The following KLHL1 variants were observed in gnomAD, a reference collection of about 807,000 sequenced individuals.
KLHL1 encodes the protein kelch-like protein 1.
KLHL1 carries 47 observed loss-of-function variants against 77.7 expected under a neutral mutation model. That is an observed-to-expected ratio of 0.60 (90% CI 0.48 to 0.77). The LOEUF (loss-of-function observed/expected upper bound fraction) is 0.77, where lower values mean the gene tolerates loss of function less well. Ranked by LOEUF, KLHL1 falls within the 30% of genes least tolerant of loss-of-function variation. KLHL1 has a pLI of 0.00. For synonymous variants in KLHL1, 360 were observed against 325.2 expected, an observed-to-expected ratio of 1.11 and a Z score of -1.15; for missense variants, 925 against 910.8, an observed-to-expected ratio of 1.02 and a Z score of -0.20.
chr13:69,943,646 C>T (rs1477015210), intron 3 of KLHL1, among the ~76,000 whole-genome samples: 3 of 151,758 alleles, frequency 2.0e-5, no homozygotes, highest in Non-Finnish European at 2.9e-5. Flanking sequence ...ATTTTTGTTT[C>T]TTTTTGAAAT....
At chr13:69,886,696 C>T (rs900775238) in intron 4 of KLHL1, among the ~76,000 whole-genome samples, 2 of 152,030 alleles carry the variant, frequency 1.3e-5, no homozygotes, top group Non-Finnish European at 2.9e-5. Flanking sequence ...ATTTTGTTTA[C>T]TTCATGAGCA....
At chr13:69,805,698 A>AC (rs1877588344) in intron 6 of KLHL1, among the ~76,000 whole-genome samples, 1 of 151,402 alleles carries the variant, frequency 6.6e-6, no homozygotes, top group South Asian at 2.1e-4. Context: ...AAACAAAAAA[A>AC]AAAACAAAAC....
Position 70,107,146 on chromosome 13 carries a change from C to T in KLHL1, c.497+57G>A, listed in dbSNP as rs531597489. 9.5e-5 allele frequency: 146 copies of T among 1,531,188 alleles called. 2 individuals are homozygous for T. In the South Asian group the frequency reaches 1.5e-3, roughly 16 times the overall value. The allele number at this position is 1,531,188 out of a possible 1,614,324, so 94.9% of individuals were successfully genotyped here. A position where few individuals can be genotyped will look rare whatever the true frequency, so the allele number is the denominator to read the frequency against. On this transcript the variant is annotated intron_variant, in intron 1 of 10. Transcript: ENST00000377844. ...GACTTAGTAGCCACATGAGCACACG[C>T]GGTGAAATGAGTGGAAATTGAGAGA...
intron 1 of KLHL1, among the ~76,000 whole-genome samples, chr13:70,053,808 G>A (rs550278689): frequency 3.9e-5 from 6 of 152,086 alleles, no homozygotes; most frequent in Admixed American, 6.5e-5. Context: ...TAGTTTTGGC[G>A]GGCACAAGAA....
chr13:70,107,776 G>C lies in KLHL1; in HGVS notation c.-77C>G. 1 of 1,161,320 alleles carries C rather than the reference G, an allele frequency of 8.6e-7. No individual in the cohort carries two copies. The highest frequency in any genetic ancestry group is 1.2e-6 in the Non-Finnish European group (1 of 848,842). The allele number at this position is 1,161,320 out of a possible 1,614,324, so 71.9% of individuals were successfully genotyped here. A position where few individuals can be genotyped will look rare whatever the true frequency, so the allele number is the denominator to read the frequency against. ...TCAGCAGGTGGGGGAGGACAGCGGG[G>C]CCCGGGGGCGGAGGAAGAGGCGGGA... On this transcript the variant is annotated 5_prime_UTR_variant, in exon 1 of 11. Transcript: ENST00000377844.
intron 1 of KLHL1, among the ~76,000 whole-genome samples, chr13:70,029,659 G>A (rs1267792605): frequency 1.3e-5 from 2 of 152,140 alleles, no homozygotes; most frequent in African/African-American, 4.8e-5. Context: ...ATGCCAAATC[G>A]TAAAGACCAT....
intron 3 of KLHL1, among the ~76,000 whole-genome samples, chr13:69,945,128 G>C (rs1292549425): frequency 6.6e-6 from 1 of 151,250 alleles, no homozygotes. Flanking sequence ...TGGGATTACA[G>C]TCACCCGCCA....
intron 9 of KLHL1, among the ~76,000 whole-genome samples, chr13:69,714,260 A>C (rs1180368875): frequency 6.6e-6 from 1 of 152,230 alleles, no homozygotes; most frequent in African/African-American, 2.4e-5. Flanking sequence ...ATTTTATTAC[A>C]TCAATTTTTC....
chr13:70,005,163 T>C (rs1008205630), intron 1 of KLHL1, among the ~76,000 whole-genome samples: 53 of 151,876 alleles, frequency 3.5e-4, no homozygotes, highest in African/African-American at 1.3e-3. Context: ...ATTATGTGGT[T>C]ACCAAAGAGA....
At chr13:70,000,807 T>C (rs1885269039) in intron 1 of KLHL1, among the ~76,000 whole-genome samples, 1 of 151,596 alleles carries the variant, frequency 6.6e-6, no homozygotes, top group East Asian at 1.9e-4. Flanking sequence ...GACTTATATA[T>C]GTTTATTTAA....
intron 7 of KLHL1, among the ~76,000 whole-genome samples, chr13:69,788,620 C>G (rs1001882868): frequency 6.6e-6 from 1 of 151,818 alleles, no homozygotes; most frequent in Admixed American, 6.6e-5. Context: ...ATGTAACAAA[C>G]CTGCACATTG....
At chr13:69,788,418 A>T (rs1386860902) in intron 7 of KLHL1, among the ~76,000 whole-genome samples, 1 of 152,136 alleles carries the variant, frequency 6.6e-6, no homozygotes, top group Admixed American at 6.5e-5. Context: ...AGGACAAAAA[A>T]CCAAACACCA....
intron 4 of KLHL1, among the ~76,000 whole-genome samples, chr13:69,885,754 C>T (rs776373385): frequency 9.9e-5 from 15 of 152,078 alleles, no homozygotes; most frequent in Admixed American, 3.3e-4. Context: ...TGATATATGG[C>T]CCTGATAATC....
At chr13:69,881,877 A>G (rs1881004941) in intron 5 of KLHL1, among the ~76,000 whole-genome samples, 1 of 152,182 alleles carries the variant, frequency 6.6e-6, no homozygotes, top group African/African-American at 2.4e-5. Flanking sequence ...CAATATATGC[A>G]TTTACATCAA....
At chr13:70,082,492 A>T (rs1329394675) in intron 1 of KLHL1, among the ~76,000 whole-genome samples, 1 of 152,066 alleles carries the variant, frequency 6.6e-6, no homozygotes, top group East Asian at 1.9e-4. Context: ...CACACTCCAA[A>T]TTTTTTTCAT....
intron 8 of KLHL1, among the ~76,000 whole-genome samples, chr13:69,728,649 C>CAAAAAAAAAAAAAAAAAAAAAA (rs536317353): frequency 1.5e-5 from 2 of 132,822 alleles, no homozygotes; most frequent in African/African-American, 5.7e-5. Context: ...CTAAAAATGC[C>CAAAAAAAAAAAAAAAAAAAAAA]AAAAAAAAAA....
chr13:70,018,014 T>G (rs947206753), intron 1 of KLHL1, among the ~76,000 whole-genome samples: 1 of 151,834 alleles, frequency 6.6e-6, no homozygotes. Flanking sequence ...AATTGAATTC[T>G]GTTAATTTTC....
At chr13:69,944,184 C>T (rs1883447688) in intron 3 of KLHL1, among the ~76,000 whole-genome samples, 1 of 152,180 alleles carries the variant, frequency 6.6e-6, no homozygotes, top group South Asian at 2.1e-4. Context: ...ACCTTTTTTC[C>T]CTTCTGGGAG....
chr13:69,849,164 C>T (rs1171231598), intron 5 of KLHL1, among the ~76,000 whole-genome samples: 5 of 151,404 alleles, frequency 3.3e-5, no homozygotes, highest in African/African-American at 4.8e-5. Flanking sequence ...TAATAGGTCT[C>T]GAATAACATC....
Sources: allele counts gnomAD v4.1 joint callset (sites outside exome capture counted in the v4.1 genomes callset), GRCh38; gene constraint gnomAD v4.1.1; transcripts MANE v1.5; gene names NCBI Gene and HGNC (gene_info 2026-07-23, HGNC 2026-07-21).